Variants in ITGB6 observed in about 807,000 individuals in gnomAD.
ITGB6 encodes integrin subunit beta 6.
Under a neutral mutation model 84.5 loss-of-function variants are expected in ITGB6, and 80 were observed. The ratio of observed to expected loss-of-function variants is 0.95; its 90% CI spans 0.79 to 1.14. The LOEUF (loss-of-function observed/expected upper bound fraction) is 1.14, where lower values mean the gene tolerates loss of function less well. Among genes scored for constraint, ITGB6 ranks in the 50% most tolerant of loss-of-function variants. The pLI, the probability that ITGB6 is intolerant of heterozygous loss-of-function variation, is 0.00. For missense variants in ITGB6, 1,006 were observed against 968.0 expected, an observed-to-expected ratio of 1.04 and a Z score of -0.52; for synonymous variants, 383 against 354.9, an observed-to-expected ratio of 1.08 and a Z score of -0.89.
At chr2:160,168,410 CT>C (rs1222132928) in intron 7 of ITGB6, among the ~76,000 whole-genome samples, 1 of 152,194 alleles carries the variant, frequency 6.6e-6, no homozygotes, top group Non-Finnish European at 1.5e-5. Flanking sequence ...GCATTTGACA[CT>C]TCTGCATAGA....
chr2:160,191,811 A>G (rs1686153694), intron 4 of ITGB6, among the ~76,000 whole-genome samples: 1 of 152,194 alleles, frequency 6.6e-6, no homozygotes, highest in African/African-American at 2.4e-5. Context: ...AAAATTTATG[A>G]AGTTTGCAGG....
intron 14 of ITGB6, among the ~76,000 whole-genome samples, chr2:160,106,426 G>T (rs1022369390): frequency 5.3e-5 from 8 of 151,894 alleles, no homozygotes; most frequent in African/African-American, 1.9e-4. Context: ...CTTTTTGTAG[G>T]GATGGGTTTT....
At chr2:160,108,132 T>C (rs932550549) in intron 13 of ITGB6, among the ~76,000 whole-genome samples, 6 of 151,910 alleles carry the variant, frequency 3.9e-5, no homozygotes, top group African/African-American at 1.5e-4. Context: ...TTAATGCACA[T>C]GGAATATTTA....
intron 12 of ITGB6, among the ~76,000 whole-genome samples, chr2:160,120,832 G>A (rs1421618274): frequency 3.4e-5 from 5 of 145,996 alleles, no homozygotes; most frequent in African/African-American, 1.3e-4. Context: ...AACACCACAT[G>A]TTCTCACTCA....
At position 160,169,359 on chromosome 2, in the gene ITGB6, A is replaced by G. The variant is rs776557802; in HGVS notation, c.922-52T>C. The G allele has an allele frequency of 2.8e-6, 3 of 1,053,084 alleles. No homozygotes were observed. In the South Asian group the frequency reaches 4.4e-5, roughly 15 times the overall value. The allele number at this position is 1,053,084 out of a possible 1,614,324, so 65.2% of individuals were successfully genotyped here. Reference sequence around the variant, plus strand: ...TCATCTCAATAAAATAATGTAAATAAAGAAAGGAATATTTATTTCAAAGAT... The same window carrying G: ...TCATCTCAATAAAATAATGTAAATAGAGAAAGGAATATTTATTTCAAAGAT... On this transcript the variant is annotated intron_variant, in intron 6 of 14. Transcript: ENST00000283249.
chr2:160,168,544 G>C (rs1043198473), intron 7 of ITGB6, among the ~76,000 whole-genome samples: 1 of 151,858 alleles, frequency 6.6e-6, no homozygotes, highest in African/African-American at 2.4e-5. Context: ...TCCTAGGCTG[G>C]GAAAAAAAAC....
chr2:160,196,133 T>C (rs1390383396), intron 3 of ITGB6, 83 bp downstream of exon 3: 3 of 1,110,240 alleles, frequency 2.7e-6, no homozygotes, highest in East Asian at 2.4e-5. Flanking sequence ...TGATATGTAA[T>C]ATGATACAAG....
At chr2:160,140,259 G>A (rs1390723749) in intron 8 of ITGB6, among the ~76,000 whole-genome samples, 1 of 152,154 alleles carries the variant, frequency 6.6e-6, no homozygotes, top group African/African-American at 2.4e-5. Flanking sequence ...TTTCATTTAA[G>A]AATAATAGAC....
intron 4 of ITGB6, among the ~76,000 whole-genome samples, chr2:160,188,931 C>T (rs1184808237): frequency 2.0e-5 from 3 of 152,206 alleles, no homozygotes; most frequent in Non-Finnish European, 4.4e-5. Context: ...CTAGAGGCAT[C>T]ACGCTACCGG....
Position 160,128,618 on chromosome 2 carries a change from G to A in ITGB6, c.1661-2017C>T, listed in dbSNP as rs372319335. ...AGGAAAGAATATATATTCGGGAATGGAATGCTCAGGGTGTGGGTGCGATTG... is the reference window on the plus strand; with the variant it reads ...AGGAAAGAATATATATTCGGGAATGAAATGCTCAGGGTGTGGGTGCGATTG... On this transcript the variant is annotated intron_variant, in intron 10 of 14. Transcript: ENST00000283249. 7.9e-4 allele frequency among the ~76,000 whole-genome samples: 120 copies of A among 152,268 alleles called. 2 individuals carry two copies. In the South Asian group the frequency reaches 0.023, roughly 29 times the overall value.
At chr2:160,193,049 T>C (rs76639080) in intron 4 of ITGB6, among the ~76,000 whole-genome samples, 4,042 of 152,210 alleles carry the variant, frequency 0.027, 73 homozygotes, top group South Asian at 0.077. Context: ...AAATGCAAAA[T>C]GGTATGTTCA....
At chr2:160,135,863 G>A (rs1216398437) in intron 10 of ITGB6, among the ~76,000 whole-genome samples, 1 of 152,198 alleles carries the variant, frequency 6.6e-6, no homozygotes, top group African/African-American at 2.4e-5. Context: ...GTAGAAAGCT[G>A]AAACTGGATC....
chr2:160,142,111 A>G, intron 7 of ITGB6, 40 bp from the exon 8 acceptor site: 1 of 1,316,220 alleles, frequency 7.6e-7, no homozygotes, highest in Non-Finnish European at 1.1e-6. Flanking sequence ...TTGTTTCCTC[A>G]TGGTAATTGA....
At chr2:160,121,396 C>T (rs6432600) in intron 12 of ITGB6, among the ~76,000 whole-genome samples, 101,566 of 152,042 alleles carry the variant, frequency 0.67, 34,278 homozygotes, top group Admixed American at 0.74. Flanking sequence ...TTACCAGGGG[C>T]GCCTTTTTCT....
In ITGB6 at chr2:160,133,247, G is replaced by A. The variant is rs187505234; in HGVS notation, c.1660+4187C>T. 1.7e-3 allele frequency among the ~76,000 whole-genome samples: 255 copies of A among 152,150 alleles called. 1 individual carries two copies. Among genetic ancestry groups the A allele is most frequent in the Non-Finnish European group, 2.9e-3 (195 of 67,984 alleles). ...ACAAAGCAAACGGAAAACAAAAAAA[G>A]GCAGGGGTTGCAATCCTAGTCTCTG... On this transcript the variant is annotated intron_variant, in intron 10 of 14. Coordinates refer to ENST00000283249, the MANE Select transcript of ITGB6 (RefSeq NM_000888.5).
intron 4 of ITGB6, among the ~76,000 whole-genome samples, chr2:160,188,394 A>T (rs979819745): frequency 6.6e-6 from 1 of 152,160 alleles, no homozygotes; most frequent in Admixed American, 6.6e-5. Flanking sequence ...AATTTTGCCC[A>T]TAATAATAAT....
intron 10 of ITGB6, among the ~76,000 whole-genome samples, chr2:160,135,593 C>G (rs1303906765): frequency 2.0e-5 from 3 of 150,480 alleles, no homozygotes; most frequent in African/African-American, 7.4e-5. Context: ...CCCACATTGC[C>G]AAGTCAATCC....
intron 12 of ITGB6, among the ~76,000 whole-genome samples, chr2:160,118,934 A>C (rs1252602285): frequency 6.6e-6 from 1 of 152,198 alleles, no homozygotes; most frequent in African/African-American, 2.4e-5. Flanking sequence ...AAGAGAATAA[A>C]ATACCTAGGA....
chr2:160,200,002 C>T lies in ITGB6; in HGVS notation c.61+1G>A, dbSNP rs1345909531. The T allele has an allele frequency of 6.2e-7, 1 of 1,612,176 alleles. No homozygotes were observed. The highest frequency in any genetic ancestry group is 2.2e-5 in the East Asian group (1 of 44,840). The stretch of plus-strand genomic sequence containing the variant: ...AATATATCAGAGAACGCAGGTCTTA[C>T]CTTGTACGTGATCATTCCTTCCTAG... On this transcript the variant is annotated splice_donor_variant, in intron 1 of 14. Coordinates refer to ENST00000283249, the MANE Select transcript of ITGB6 (RefSeq NM_000888.5). LOFTEE classifies it high-confidence loss of function.
Sources: allele counts gnomAD v4.1 joint callset (sites outside exome capture counted in the v4.1 genomes callset), GRCh38; gene constraint gnomAD v4.1.1; transcripts MANE v1.5; gene names NCBI Gene and HGNC (gene_info 2026-07-23, HGNC 2026-07-21).